ARHGAP39: variants seen among roughly 807,000 people sequenced by gnomAD.
ARHGAP39 encodes the protein Rho GTPase activating protein 39.
In ARHGAP39, 44 loss-of-function variants were observed where a neutral mutation model predicts 106.9. That is an observed-to-expected ratio of 0.41 (90% CI 0.32 to 0.53). The LOEUF is 0.53. ARHGAP39 is among the 20% of genes least tolerant of loss of function. The pLI is 0.21. For missense variants in ARHGAP39, 1,496 were observed against 1,577.3 expected, an observed-to-expected ratio of 0.95 and a Z score of 0.87; for synonymous variants, 768 against 693.2, an observed-to-expected ratio of 1.11 and a Z score of -1.69.
the ARHGAP39 span, chr8:144,699,115 G>A: frequency 1.9e-5 from 6 of 318,858 alleles, no homozygotes; most frequent in South Asian, 4.7e-5. Flanking sequence ...CCTCTCAGGC[G>A]CTGGGCGATG....
At chr8:144,623,622 G>A (rs989608909) in intron 1 of ARHGAP39, among the ~76,000 whole-genome samples, 5 of 152,200 alleles carry the variant, frequency 3.3e-5, no homozygotes, top group Non-Finnish European at 5.9e-5. Flanking sequence ...CGTCTGCAGC[G>A]ACAGAGGAGA....
At chr8:144,678,868 G>T (rs1035971349) in intron 1 of ARHGAP39, among the ~76,000 whole-genome samples, 1 of 152,142 alleles carries the variant, frequency 6.6e-6, no homozygotes, top group Non-Finnish European at 1.5e-5. Context: ...AGAGACAGGG[G>T]AGTGGCTCAA....
At chr8:144,581,442 A>AC (rs1484544976) in intron 2 of ARHGAP39, among the ~76,000 whole-genome samples, 165 bp from the exon 3 acceptor site, 1 of 152,136 alleles carries the variant, frequency 6.6e-6, no homozygotes, top group Middle Eastern at 3.2e-3. Flanking sequence ...GCTCCTGAGC[A>AC]CCCGCAACCG....
At chr8:144,649,226 C>T (rs529768434) in intron 1 of ARHGAP39, among the ~76,000 whole-genome samples, 15 of 150,616 alleles carry the variant, frequency 1.0e-4, no homozygotes, top group East Asian at 7.9e-4. Flanking sequence ...GGCAGATCAC[C>T]GGTCAGGGGA....
intron 1 of ARHGAP39, among the ~76,000 whole-genome samples, chr8:144,609,098 G>A (rs1820394715): frequency 6.6e-6 from 1 of 152,190 alleles, no homozygotes; most frequent in Non-Finnish European, 1.5e-5. Context: ...AACACAATTA[G>A]TAAGAGTGAA....
intron 2 of ARHGAP39, among the ~76,000 whole-genome samples, chr8:144,602,303 C>G (rs570338690): frequency 2.1e-5 from 2 of 95,752 alleles, no homozygotes; most frequent in Non-Finnish European, 4.0e-5. Flanking sequence ...GCTCGTGTAC[C>G]TGTGTGTGTG....
At chr8:144,558,172 G>A (rs1818015716) in intron 3 of ARHGAP39, among the ~76,000 whole-genome samples, 1 of 152,176 alleles carries the variant, frequency 6.6e-6, no homozygotes, top group Non-Finnish European at 1.5e-5. Context: ...GTCTTGTTGA[G>A]ACATATAAAA....
At position 144,684,324 on chromosome 8, in the gene ARHGAP39, C is replaced by T. The variant is rs1354467586; in HGVS notation, c.-82+1362G>A. ...CCCTCCCCCGGCGCGAGAATCGCAC[C>T]TTGCTCCTTGTGGATCGGGCGCCGC... On this transcript the variant is annotated intron_variant, in intron 1 of 11. Transcript: ENST00000377307. The surrounding 1 kb of genome is among the most constrained non-coding windows in gnomAD (Gnocchi z 4.4). Among the ~76,000 whole-genome samples, 1 of 152,246 alleles carries T rather than the reference C, an allele frequency of 6.6e-6. No individual in the cohort carries two copies. The highest frequency in any genetic ancestry group is 2.1e-4 in the South Asian group (1 of 4,832).
At chr8:144,550,000 T>A (rs1392801618) in intron 4 of ARHGAP39, among the ~76,000 whole-genome samples, 1 of 152,170 alleles carries the variant, frequency 6.6e-6, no homozygotes, top group Non-Finnish European at 1.5e-5. Context: ...TGGCCAGGCA[T>A]GGTGGCTCAC....
At position 144,646,430 on chromosome 8, in the gene ARHGAP39, G is replaced by A. The variant is rs980811263; in HGVS notation, c.-82+39256C>T. Among the ~76,000 whole-genome samples, 4 of 152,046 alleles carry A rather than the reference G, an allele frequency of 2.6e-5. No individual in the cohort carries two copies. Among genetic ancestry groups the A allele is most frequent in the East Asian group, 1.9e-4 (1 of 5,196 alleles). On this transcript the variant is annotated intron_variant, in intron 1 of 11. Coordinates refer to ENST00000377307, the MANE Select transcript of ARHGAP39 (RefSeq NM_025251.3). The surrounding 1 kb of genome is among the most constrained non-coding windows in gnomAD (Gnocchi z 5.7). ...TTGTTTTTAATCCTGTGAAAGTATCGATAGCCAAAAAACTAAATTTTAAAA... is the reference window on the plus strand; with the variant it reads ...TTGTTTTTAATCCTGTGAAAGTATCAATAGCCAAAAAACTAAATTTTAAAA...
chr8:144,666,790 G>T (rs779615946), intron 1 of ARHGAP39, among the ~76,000 whole-genome samples: 8 of 152,126 alleles, frequency 5.3e-5, no homozygotes, highest in Non-Finnish European at 7.3e-5. Context: ...GGCTAAAGGC[G>T]ATCAGTGCTG....
chr8:144,537,642 A>C (rs1423549339), intron 7 of ARHGAP39, 79 bp downstream of exon 7: 21 of 1,061,322 alleles, frequency 2.0e-5, no homozygotes, highest in Non-Finnish European at 2.8e-5. Flanking sequence ...GCGGTTAGAG[A>C]AGAGAAGGCC....
chr8:144,687,013 CCCCCGTG>C (rs1327211167), upstream of ARHGAP39, among the ~76,000 whole-genome samples: 4 of 76,758 alleles, frequency 5.2e-5, no homozygotes, highest in South Asian at 4.0e-4. Flanking sequence ...CCATTTCCCA[CCCCCGTG>C]ACCACGCACT....
rs201397901 is a variant in ARHGAP39 at position 144,532,286 on chromosome 8, G to C, written c.2980+19C>G. On this transcript the variant is annotated intron_variant, in intron 10 of 11. Coordinates refer to ENST00000377307, the MANE Select transcript of ARHGAP39 (RefSeq NM_025251.3). ...CCTGAGCCAGGCCCGCTCTGCTGCA[G>C]CGTGTGTGGGGGACTCACCAGGGAC... The C allele has an allele frequency of 8.7e-6, 14 of 1,610,888 alleles. No homozygotes were observed. In the African/African-American group the frequency reaches 1.3e-4, roughly 15 times the overall value.
intron 1 of ARHGAP39, among the ~76,000 whole-genome samples, chr8:144,648,864 G>A (rs1453315457): frequency 6.6e-6 from 1 of 152,140 alleles, no homozygotes; most frequent in Admixed American, 6.6e-5. Flanking sequence ...GTGTTAAGAG[G>A]GAAATTCATA....
At chr8:144,576,325 T>C (rs1586570234) in intron 3 of ARHGAP39, among the ~76,000 whole-genome samples, 2 of 95,084 alleles carry the variant, frequency 2.1e-5, no homozygotes, top group Admixed American at 1.8e-4. Flanking sequence ...AGAGTGAGAC[T>C]CCGTCTCAAA....
chr8:144,618,705 C>T (rs1820703637), intron 1 of ARHGAP39, among the ~76,000 whole-genome samples: 1 of 152,244 alleles, frequency 6.6e-6, no homozygotes, highest in Non-Finnish European at 1.5e-5. Flanking sequence ...AGGCCGGGCG[C>T]AGGAAGCGGC....
chr8:144,587,654 C>CTT (rs1182233262), intron 2 of ARHGAP39, among the ~76,000 whole-genome samples: 8 of 136,074 alleles, frequency 5.9e-5, no homozygotes, highest in Middle Eastern at 3.8e-3. Flanking sequence ...GGCAGAGAGA[C>CTT]TTTTTTTTTT....
chr8:144,555,517 C>A (rs929066340), intron 4 of ARHGAP39, 43 bp downstream of exon 4: 21 of 1,549,538 alleles, frequency 1.4e-5, no homozygotes, highest in Non-Finnish European at 1.8e-5. Flanking sequence ...CTGAGGAAGC[C>A]GCCCTCCATC....
Sources: gnomAD v4.1 joint callset for allele counts (sites outside exome capture counted in the v4.1 genomes callset) on GRCh38, gnomAD v4.1.1 for gene constraint, Gnocchi (gnomAD v3.1) non-coding constraint, MANE v1.5 for transcripts, NCBI Gene and HGNC (gene_info 2026-07-23, HGNC 2026-07-21) for gene names.